MADCAM1: variants seen among roughly 807,000 people sequenced by gnomAD.
The protein encoded by MADCAM1 is mucosal addressin cell adhesion molecule 1.
In MADCAM1, 19 loss-of-function variants were observed where a neutral mutation model predicts 26.1. That is an observed-to-expected ratio of 0.73 (90% CI 0.51 to 1.07). The LOEUF (loss-of-function observed/expected upper bound fraction) is 1.07, where lower values mean the gene tolerates loss of function less well. Among genes scored for constraint, MADCAM1 ranks in the 50% least tolerant of loss-of-function variants. MADCAM1 has a pLI of 0.00. For synonymous variants in MADCAM1, 268 were observed against 260.9 expected (o/e 1.03, Z -0.26); for missense variants, 514 against 542.1 (o/e 0.95, Z 0.51).
At position 497,867 on chromosome 19, in the gene MADCAM1, GC is replaced by G. The variant is rs1247464865; in HGVS notation, c.92del (p.Pro31ArgfsTer88). 9.0e-6 allele frequency: 12 copies of G among 1,339,638 alleles called. No individual in the cohort carries two copies. The highest frequency in any genetic ancestry group is 7.8e-5 in the South Asian group (4 of 51,152). 83.0% of individuals were successfully genotyped at this position (1,339,638 alleles called of 1,614,324 possible). A position where few individuals can be genotyped will look rare whatever the true frequency, so the allele number is the denominator to read the frequency against. ...SLQVKPLQVE[P>X]PEPVVAVALG... The stretch of plus-strand genomic sequence containing the variant: ...TCCAGGTGAAGCCCCTGCAGGTGGA[GC>G]CCCCGGAGCCGGTGGTGGCCGTGGC... On this transcript the variant is annotated frameshift_variant, in exon 2 of 5. Transcript: ENST00000215637. LOFTEE classifies it high-confidence loss of function.
At chr19:499,848 C>A (rs1235547574) in intron 3 of MADCAM1, 2 of 456,358 alleles carry the variant, frequency 4.4e-6, no homozygotes, top group East Asian at 1.4e-4. Context: ...GAAGCCCCTG[C>A]CGGCTTCTCC....
intron 2 of MADCAM1, 52 bp from the exon 3 acceptor site, chr19:498,444 A>C (rs1600384919): frequency 7.1e-7 from 1 of 1,411,534 alleles, no homozygotes; most frequent in Non-Finnish European, 9.2e-7. Flanking sequence ...CCCCTCCATC[A>C]CGTCCAGCCC....
Position 498,585 on chromosome 19 carries a change from G to C in MADCAM1, c.427G>C (p.Asp143His), listed in dbSNP as rs750971521. 28 of 1,483,862 alleles carry C rather than the reference G, an allele frequency of 1.9e-5. No individual in the cohort carries two copies. Among genetic ancestry groups the C allele is most frequent in the Non-Finnish European group, 2.4e-5 (27 of 1,121,320 alleles). The allele number at this position is 1,483,862 out of a possible 1,614,324, so 91.9% of individuals were successfully genotyped here. ...TACGGCCCACAAAGTCACGCCCGTG[G>C]ACCCCAACGCGCTCTCCTTCTCCCT... Reference protein sequence around the residue: ...ACTAHKVTPVDPNALSFSLLV... With the variant: ...ACTAHKVTPVHPNALSFSLLV... The change falls in exon 3 of 5, where the codon GAC becomes CAC. Residue 143 changes from aspartate (D) to histidine (H), a missense_variant. Coordinates refer to ENST00000215637, the MANE Select transcript of MADCAM1 (RefSeq NM_130760.3).
intron 4 of MADCAM1, 48 bp from the exon 5 acceptor site, chr19:504,697 C>A: frequency 7.2e-7 from 1 of 1,382,008 alleles, no homozygotes; most frequent in Non-Finnish European, 1.0e-6. Context: ...CCCAAGCCTG[C>A]AGAGGCCTGG....
At chr19:498,195 C>T in intron 2 of MADCAM1, 78 bp downstream of exon 2, 2 of 1,276,846 alleles carry the variant, frequency 1.6e-6, no homozygotes, top group Non-Finnish European at 2.0e-6. Context: ...TTCCTGGAAG[C>T]CTCCCAGATT....
chr19:499,578 CCT>C (rs1978308763), intron 3 of MADCAM1, among the ~76,000 whole-genome samples: 1 of 152,250 alleles, frequency 6.6e-6, no homozygotes, highest in African/African-American at 2.4e-5. Context: ...GTGTGAGCCC[CCT>C]TTCCCTTCTG....
chr19:502,027 T>C, intron 4 of MADCAM1, 98 bp downstream of exon 4: 1 of 1,280,200 alleles, frequency 7.8e-7, no homozygotes, highest in Non-Finnish European at 1.0e-6. Context: ...CTGCCCAGCC[T>C]TGGTTTCCCC....
intron 4 of MADCAM1, among the ~76,000 whole-genome samples, chr19:503,414 C>T (rs527721170): frequency 0.014 from 2,190 of 151,138 alleles, 27 homozygotes; most frequent in Middle Eastern, 0.041. Flanking sequence ...ACCCCGTCTC[C>T]ACTAAAAATA....
chr19:502,037 C>A (rs1052168489), intron 4 of MADCAM1, 108 bp downstream of exon 4: 11 of 1,198,614 alleles, frequency 9.2e-6, no homozygotes, highest in Non-Finnish European at 1.1e-5. Context: ...TTGGTTTCCC[C>A]GTCTGCCCAG....
intron 3 of MADCAM1, among the ~76,000 whole-genome samples, chr19:500,818 C>A (rs536015186): frequency 6.6e-6 from 1 of 151,538 alleles, no homozygotes; most frequent in African/African-American, 2.4e-5. Context: ...TGCAGTGAGC[C>A]GAGATCGCAC....
rs201083474 is a variant in MADCAM1, at chr19:501,682, G to A, written c.681G>A (p.Pro227=). Residue 227 remains proline (P), a synonymous_variant, in exon 4 of 5, where the codon CCG becomes CCA. Transcript: ENST00000215637. ...CTCTGTTTCCAGTCCTGCACAGCCC[G>A]ACCTCCCCGGAGCCTCCCGACACCA... ...HRQAIPVLHS[P]TSPEPPDTTS... is the part of the protein sequence containing the mutation. The A allele has an allele frequency of 1.1e-3, 1,429 of 1,249,218 alleles. 32 individuals are homozygous for A. The South Asian group carries it at 0.021, about 19-fold the overall frequency. The allele number at this position is 1,249,218 out of a possible 1,614,324, so 77.4% of individuals were successfully genotyped here.
intron 2 of MADCAM1, 24 bp from the exon 3 acceptor site, chr19:498,472 C>T (rs1174058306): frequency 1.1e-5 from 16 of 1,450,422 alleles, no homozygotes; most frequent in Non-Finnish European, 1.4e-5. Flanking sequence ...GGGCTCAGCC[C>T]TCACCCCCGA....
chr19:498,285 C>G (rs964933012), intron 2 of MADCAM1, among the ~76,000 whole-genome samples, 168 bp downstream of exon 2: 2 of 152,158 alleles, frequency 1.3e-5, no homozygotes, highest in African/African-American at 4.8e-5. Flanking sequence ...CACCCCAACT[C>G]TCCCAGGGCC....
At chr19:498,420 C>T (rs1978296598) in intron 2 of MADCAM1, 76 bp from the exon 3 acceptor site, 2 of 1,386,072 alleles carry the variant, frequency 1.4e-6, no homozygotes, top group South Asian at 3.6e-5. Context: ...GCTCCAAGCC[C>T]CTCCGGGCTC....
chr19:504,494 G>A (rs1020464822), intron 4 of MADCAM1, among the ~76,000 whole-genome samples: 17 of 152,050 alleles, frequency 1.1e-4, no homozygotes, highest in South Asian at 4.1e-4. Context: ...TCCTGACCTC[G>A]TGATCCACCC....
chr19:500,907 C>T (rs905734672), intron 3 of MADCAM1, among the ~76,000 whole-genome samples: 2 of 152,078 alleles, frequency 1.3e-5, no homozygotes, highest in African/African-American at 4.8e-5. Context: ...TCAACTAGAA[C>T]AGTAAGCCGA....
intron 4 of MADCAM1, 32 bp from the exon 5 acceptor site, chr19:504,713 T>C: frequency 3.9e-6 from 6 of 1,537,836 alleles, no homozygotes; most frequent in Non-Finnish European, 5.4e-6. Flanking sequence ...CCTGGAGGGC[T>C]CTGACCGGGG....
In MADCAM1 at chr19:498,016, T is replaced by C. The variant is rs1394561822; in HGVS notation, c.236T>C (p.Leu79Pro). Residue 79 changes from leucine (L) to proline (P), a missense_variant, in exon 2 of 5, where the codon CTC (leucine) becomes CCC (proline). Around this residue, in one of 3 missense-constraint regions of MADCAM1, gnomAD observed 317 missense variants for 313.6 expected, o/e 1.01. Coordinates refer to ENST00000215637, the MANE Select transcript of MADCAM1 (RefSeq NM_130760.3). ...CAGTCGGACACGGGCCGCAGCGTCCTCACCGTGCGCAACGCCTCGCTGTCG... is the reference window on the plus strand; with the variant it reads ...CAGTCGGACACGGGCCGCAGCGTCCCCACCGTGCGCAACGCCTCGCTGTCG... ...AVQSDTGRSV[L>P]TVRNASLSAA... 1.2e-5 allele frequency: 18 copies of C among 1,503,592 alleles called. No homozygotes were observed. Among genetic ancestry groups the C allele is most frequent in the Non-Finnish European group, 1.4e-5 (16 of 1,132,104 alleles). The allele number at this position is 1,503,592 out of a possible 1,614,324, so 93.1% of individuals were successfully genotyped here.
Position 501,208 on chromosome 19 carries a change from G to A in MADCAM1, c.668-461G>A, listed in dbSNP as rs183182414. ...CATCTCTAAAAAAAAAAACCAGGCC[G>A]GGCGTGGTGGCTCACGCCTGTAATC... On this transcript the variant is annotated intron_variant, in intron 3 of 4. Transcript: ENST00000215637. Among the ~76,000 whole-genome samples, 21 of 150,166 alleles carry A rather than the reference G, an allele frequency of 1.4e-4. No homozygotes were observed. The South Asian group carries it at 2.1e-3, about 15-fold the overall frequency.
Sources: allele counts gnomAD v4.1 joint callset (sites outside exome capture counted in the v4.1 genomes callset), GRCh38; gene constraint gnomAD v4.1.1; regional missense constraint gnomAD v4.1.1; transcripts MANE v1.5; gene names NCBI Gene and HGNC (gene_info 2026-07-23, HGNC 2026-07-21).